The following FARP2 variants were observed in gnomAD, a reference collection of about 807,000 sequenced individuals.
The protein encoded by FARP2 is FERM, ARHGEF and pleckstrin domain-containing protein 2.
FARP2 carries 111 observed loss-of-function variants against 130.5 expected under a neutral mutation model. The ratio of observed to expected loss-of-function variants is 0.85; its 90% confidence interval spans 0.73 to 1.00. The LOEUF is 1.00. FARP2 is among the 50% of genes least tolerant of loss of function. The pLI, the probability that FARP2 is intolerant of heterozygous loss-of-function variation, is 0.00. For missense variants in FARP2, 1,385 were observed against 1,346.3 expected (o/e 1.03, Z -0.45); for synonymous variants, 504 against 516.9 (o/e 0.98, Z 0.34).
intron 1 of FARP2, among the ~76,000 whole-genome samples, chr2:241,362,553 G>C (rs1179624213): frequency 6.6e-6 from 1 of 152,156 alleles, no homozygotes; most frequent in Non-Finnish European, 1.5e-5. Flanking sequence ...AGTGAGGCGA[G>C]ATTGCGCCAC....
At position 241,479,623 on chromosome 2, in the gene FARP2, T is replaced by C. The variant is rs778840885; in HGVS notation, c.2262+3636T>C. Among the ~76,000 whole-genome samples, 31 of 152,228 alleles carry C rather than the reference T, an allele frequency of 2.0e-4. 1 individual carries two copies. Among genetic ancestry groups the C allele is most frequent in the Non-Finnish European group, 3.1e-4 (21 of 68,040 alleles). On this transcript the variant is annotated intron_variant, in intron 19 of 26. Transcript: ENST00000264042. Reference sequence around the variant, plus strand: ...ATTTGTATTTTCCAGGCGAGAGAACTTTGTACCCCTTTTCAGTGTGGATAG... The same window carrying C: ...ATTTGTATTTTCCAGGCGAGAGAACCTTGTACCCCTTTTCAGTGTGGATAG...
intron 14 of FARP2, among the ~76,000 whole-genome samples, chr2:241,461,151 A>G (rs1375675320): frequency 6.6e-6 from 1 of 152,118 alleles, no homozygotes; most frequent in African/African-American, 2.4e-5. Flanking sequence ...ACCTCCAGTC[A>G]TGGCAGCTGG....
intron 13 of FARP2, among the ~76,000 whole-genome samples, chr2:241,452,042 C>T (rs376363962): frequency 2.0e-5 from 3 of 152,106 alleles, no homozygotes; most frequent in Non-Finnish European, 4.4e-5. Context: ...GGCGTAAGCC[C>T]GGCCAACATC....
intron 9 of FARP2, among the ~76,000 whole-genome samples, 173 bp from the exon 10 acceptor site, chr2:241,433,985 A>C (rs2063154846): frequency 6.6e-6 from 1 of 152,154 alleles, no homozygotes; most frequent in Non-Finnish European, 1.5e-5. Context: ...GCAGTGAGCC[A>C]AGATCACGCC....
At chr2:241,464,043 G>T in intron 17 of FARP2, 63 bp downstream of exon 17, 3 of 1,379,926 alleles carry the variant, frequency 2.2e-6, no homozygotes, top group Non-Finnish European at 2.0e-6. Context: ...CCATCTTCCC[G>T]AAGCTGAGGC....
At chr2:241,392,981 C>A (rs1006966177) in intron 2 of FARP2, among the ~76,000 whole-genome samples, 2 of 151,524 alleles carry the variant, frequency 1.3e-5, no homozygotes, top group African/African-American at 4.9e-5. Context: ...CAGTTAACAT[C>A]TTTTTGCTGA....
chr2:241,468,306 A>G lies in FARP2; in HGVS notation c.2060A>G (p.His687Arg), dbSNP rs1325580160. Residue 687 changes from histidine (H) to arginine (R), a missense_variant, in exon 18 of 27, where the codon CAC (histidine) becomes CGC (arginine). His to Arg is a conservative substitution (Grantham distance 29, BLOSUM62 0). Transcript: ENST00000264042. ...CTGAAGCCCATCCAGCGGCTGCTGC[A>G]CTACCGCCTGCTGCTGCGCCGCCTA... Reference protein sequence around the residue: ...FLLKPIQRLLHYRLLLRRLCG... With the variant: ...FLLKPIQRLLRYRLLLRRLCG... 1 of 1,613,498 alleles carries G rather than the reference A, an allele frequency of 6.2e-7. No individual in the cohort carries two copies. The highest frequency in any genetic ancestry group is 8.5e-7 in the Non-Finnish European group (1 of 1,180,038).
Position 241,493,369 on chromosome 2 carries a change from A to AAGAC in FARP2, c.2973_2976dup (p.Tyr993ArgfsTer18). Reference sequence around the variant, plus strand: ...CCCAGGGAGGCCGATGGCATACACAAAGACTATGTTTTCAAGCTCCAGTTC... The same window carrying AAGAC: ...CCCAGGGAGGCCGATGGCATACACAAAGACAGACTATGTTTTCAAGCTCCAGTTC... On this transcript the variant is annotated frameshift_variant, in exon 26 of 27. Coordinates refer to ENST00000264042, the MANE Select transcript of FARP2 (RefSeq NM_014808.4). LOFTEE classifies it high-confidence loss of function. 6.2e-7 allele frequency: 1 copy of AAGAC among 1,613,938 alleles called. No homozygotes were observed. Among genetic ancestry groups the AAGAC allele is most frequent in the Non-Finnish European group, 8.5e-7 (1 of 1,179,966 alleles).
chr2:241,464,697 C>T (rs2064123583), intron 17 of FARP2, among the ~76,000 whole-genome samples: 1 of 151,954 alleles, frequency 6.6e-6, no homozygotes, highest in Non-Finnish European at 1.5e-5. Flanking sequence ...GAGCAGCAGC[C>T]CCCTCAGAAC....
At chr2:241,433,291 G>C (rs904635474) in intron 9 of FARP2, among the ~76,000 whole-genome samples, 1 of 152,196 alleles carries the variant, frequency 6.6e-6, no homozygotes, top group Non-Finnish European at 1.5e-5. Context: ...AAGACTAAAT[G>C]TTAGATTCAA....
intron 18 of FARP2, among the ~76,000 whole-genome samples, chr2:241,472,344 G>T (rs2064343906): frequency 6.6e-6 from 1 of 151,402 alleles, no homozygotes; most frequent in African/African-American, 2.4e-5. Context: ...AGGGGACCCT[G>T]TTCTGTGGGG....
At chr2:241,412,470 A>T (rs1296306394) in intron 6 of FARP2, among the ~76,000 whole-genome samples, 2 of 152,142 alleles carry the variant, frequency 1.3e-5, no homozygotes, top group African/African-American at 4.8e-5. Flanking sequence ...AAGGAGAAAA[A>T]ACTCTTGTAC....
chr2:241,465,769 CCT>C, intron 17 of FARP2: 1 of 1,550,622 alleles, frequency 6.4e-7, no homozygotes, highest in Non-Finnish European at 8.7e-7. Context: ...TCAAGCTCCC[CCT>C]CCTCCATCCC....
At chr2:241,434,488 C>A (rs1402705275) in intron 10 of FARP2, among the ~76,000 whole-genome samples, 167 bp downstream of exon 10, 1 of 152,100 alleles carries the variant, frequency 6.6e-6, no homozygotes, top group East Asian at 1.9e-4. Context: ...AATAAAATAA[C>A]GGAAAAAATA....
chr2:241,416,218 C>T (rs1185613539), intron 7 of FARP2, among the ~76,000 whole-genome samples: 1 of 151,988 alleles, frequency 6.6e-6, no homozygotes, highest in Admixed American at 6.6e-5. Context: ...GCCTGTGTCT[C>T]TGCATGTGTG....
intron 2 of FARP2, among the ~76,000 whole-genome samples, chr2:241,392,920 G>A (rs1049578676): frequency 3.3e-5 from 5 of 150,622 alleles, no homozygotes; most frequent in Admixed American, 3.3e-4. Context: ...TCCAGCCTGG[G>A]CAATAGAGCG....
intron 2 of FARP2, among the ~76,000 whole-genome samples, chr2:241,397,636 A>G (rs1014686937): frequency 3.3e-5 from 5 of 152,002 alleles, no homozygotes; most frequent in African/African-American, 9.7e-5. Flanking sequence ...TTGGAGAGAC[A>G]TTTAGACGAA....
At chr2:241,438,437 G>T (rs1482647141) in intron 12 of FARP2, among the ~76,000 whole-genome samples, 3 of 151,934 alleles carry the variant, frequency 2.0e-5, no homozygotes, top group Admixed American at 6.6e-5. Flanking sequence ...CTGAACTATA[G>T]TCCCAGCTAC....
chr2:241,405,265 A>G (rs1421693261), intron 4 of FARP2: 1 of 154,704 alleles, frequency 6.5e-6, no homozygotes, highest in Non-Finnish European at 1.4e-5. Flanking sequence ...GGGTCTCGCT[A>G]TTTGTTGCCC....
Sources: allele counts gnomAD v4.1 joint callset (sites outside exome capture counted in the v4.1 genomes callset), GRCh38; gene constraint gnomAD v4.1.1; transcripts MANE v1.5; gene names NCBI Gene and HGNC (gene_info 2026-07-23, HGNC 2026-07-21).